POC1B: variants seen among roughly 807,000 people sequenced by gnomAD.
The protein encoded by POC1B is POC1 centriolar protein homolog B.
Under a neutral mutation model 60.6 loss-of-function variants are expected in POC1B, and 44 were observed. The observed-to-expected ratio is 0.73, with a 90% CI of 0.57 to 0.93. The LOEUF (loss-of-function observed/expected upper bound fraction) is 0.93. Among genes scored for constraint, POC1B ranks in the 40% least tolerant of loss-of-function variants. The pLI is 0.00. For missense variants in POC1B, 555 were observed against 572.3 expected (o/e 0.97, Z 0.31); for synonymous variants, 180 against 198.9 (o/e 0.90, Z 0.80).
intron 2 of POC1B, among the ~76,000 whole-genome samples, chr12:89,504,710 A>G (rs1424937548): frequency 1.3e-5 from 2 of 152,258 alleles, no homozygotes; most frequent in African/African-American, 2.4e-5. Flanking sequence ...GAGAGATACC[A>G]CTAACCAAGT....
In POC1B at chr12:89,478,729, T is replaced by C. The variant is rs78377646; in HGVS notation, c.453-6454A>G. On this transcript the variant is annotated intron_variant, in intron 4 of 11. Coordinates refer to ENST00000313546, the MANE Select transcript of POC1B (RefSeq NM_172240.3). The stretch of plus-strand genomic sequence containing the variant: ...GGTTAAAATGGTAAATTTTGTTATA[T>C]ATATTTTACCACAATTTCACAAAAT... Among the ~76,000 whole-genome samples, 219 of 152,356 alleles carry C rather than the reference T, an allele frequency of 1.4e-3. 5 individuals carry two copies. In the East Asian group the frequency reaches 0.034, roughly 24 times the overall value.
At chr12:89,509,639 G>A (rs1870078328) in intron 2 of POC1B, among the ~76,000 whole-genome samples, 1 of 152,132 alleles carries the variant, frequency 6.6e-6, no homozygotes, top group African/African-American at 2.4e-5. Context: ...AATTGATATA[G>A]GTATTAAAAA....
intron 2 of POC1B, chr12:89,523,110 T>A: frequency 6.2e-7 from 1 of 1,613,960 alleles, no homozygotes; most frequent in Non-Finnish European, 8.5e-7. Flanking sequence ...GATTGCCTCC[T>A]TGACCATGGC....
At chr12:89,464,393 AAC>A (rs1009386321) in intron 9 of POC1B, among the ~76,000 whole-genome samples, 1 of 152,124 alleles carries the variant, frequency 6.6e-6, no homozygotes, top group African/African-American at 2.4e-5. Flanking sequence ...GAGTCTTTAA[AAC>A]ACAATTTGGT....
Position 89,490,332 on chromosome 12 carries a change from TG to T in POC1B, c.452+1603del, listed in dbSNP as rs537417147. On this transcript the variant is annotated intron_variant, in intron 4 of 11. Transcript: ENST00000313546. The stretch of plus-strand genomic sequence containing the variant: ...TTCCCGCCCAGGCAGTTTTTGTTGT[TG>T]TTGTTGTTTGTTTGTTTGTTTTTTT... Among the ~76,000 whole-genome samples, 967 of 152,184 alleles carry T rather than the reference TG, an allele frequency of 6.4e-3. 5 individuals are homozygous for T. Among genetic ancestry groups the T allele is most frequent in the Middle Eastern group, 0.048 (14 of 294 alleles).
chr12:89,424,438 T>G (rs1880666013), intron 11 of POC1B, among the ~76,000 whole-genome samples: 1 of 152,218 alleles, frequency 6.6e-6, no homozygotes, highest in Admixed American at 6.5e-5. Flanking sequence ...GACAAGCAAT[T>G]GACATCTCTG....
At chr12:89,402,858 G>A in the POC1B span, among the ~76,000 whole-genome samples, 5 of 152,022 alleles carry the variant, frequency 3.3e-5, no homozygotes, top group Admixed American at 6.6e-5. Flanking sequence ...TCAAGCCTCA[G>A]CCTCCTCCCA....
chr12:89,437,603 C>G (rs1259051638), intron 10 of POC1B, among the ~76,000 whole-genome samples: 1 of 151,734 alleles, frequency 6.6e-6, no homozygotes, highest in East Asian at 1.9e-4. Context: ...TTGACCCCCC[C>G]ACCCCCACCA....
At chr12:89,441,887 C>T (rs541201965) in intron 10 of POC1B, among the ~76,000 whole-genome samples, 12 of 152,220 alleles carry the variant, frequency 7.9e-5, no homozygotes, top group South Asian at 4.2e-4. Context: ...AAAGATTAGA[C>T]GAATGGCTAA....
At chr12:89,430,018 A>C (rs1477350234) in intron 10 of POC1B, among the ~76,000 whole-genome samples, 5 of 152,216 alleles carry the variant, frequency 3.3e-5, no homozygotes, top group Non-Finnish European at 1.5e-5. Flanking sequence ...ACTCTGGGGA[A>C]GTACTTTATC....
At chr12:89,459,917 G>A (rs7953615) in intron 9 of POC1B, 199 bp from the exon 10 acceptor site, 361,325 of 478,490 alleles carry the variant, frequency 0.76, 137,138 homozygotes, top group Middle Eastern at 0.84. Context: ...GATCATTTTG[G>A]TAAGGTTGAA....
the POC1B span, among the ~76,000 whole-genome samples, chr12:89,408,486 GT>G: frequency 1.6e-3 from 223 of 136,266 alleles, 2 homozygotes; most frequent in South Asian, 3.1e-3. Flanking sequence ...CTGACTTCTG[GT>G]TTTTTTTTTT....
At chr12:89,462,400 T>C (rs980060371) in intron 9 of POC1B, among the ~76,000 whole-genome samples, 1 of 152,138 alleles carries the variant, frequency 6.6e-6, no homozygotes, top group African/African-American at 2.4e-5. Context: ...TAACTGGGAC[T>C]AATGAATGAG....
chr12:89,466,325 AATT>A, intron 9 of POC1B, among the ~76,000 whole-genome samples: 1 of 152,340 alleles, frequency 6.6e-6, no homozygotes, highest in South Asian at 2.1e-4. Context: ...ACATTGTCTT[AATT>A]ATTAGATTTA....
intron 4 of POC1B, among the ~76,000 whole-genome samples, chr12:89,490,700 G>A (rs1868920098): frequency 6.6e-6 from 1 of 152,120 alleles, no homozygotes; most frequent in African/African-American, 2.4e-5. Flanking sequence ...TTAGCAGAGT[G>A]TCCTATGAAT....
chr12:89,459,654 GAAAGGATATCCATAAC>G lies in POC1B; in HGVS notation c.1081_1096del (p.Val361LeufsTer27). On this transcript the variant is annotated frameshift_variant, in exon 10 of 12. Coordinates refer to ENST00000313546, the MANE Select transcript of POC1B (RefSeq NM_172240.3). LOFTEE classifies it high-confidence loss of function. ...CCGACTTACTGTGGTAGAATCAAAAGAAAGGATATCCATAACAGGGGGAGTAGAGATCTGCAAATCG... is the reference window on the plus strand; with the variant it reads ...CCGACTTACTGTGGTAGAATCAAAAGAGGGGGAGTAGAGATCTGCAAATCG... The G allele has an allele frequency of 7.1e-7, 1 of 1,416,086 alleles. No individual in the cohort carries two copies. Among genetic ancestry groups the G allele is most frequent in the Non-Finnish European group, 9.4e-7 (1 of 1,065,034 alleles). The allele number at this position is 1,416,086 out of a possible 1,614,324, so 87.7% of individuals were successfully genotyped here. A position where few individuals can be genotyped will look rare whatever the true frequency, so the allele number is the denominator to read the frequency against.
rs546169323 is a variant in POC1B, at chr12:89,524,626, G to A, written c.100+494C>T. 1.6e-5 allele frequency: 24 copies of A among 1,463,308 alleles called. No individual in the cohort carries two copies. The African/African-American group carries it at 1.7e-4, about 10-fold the overall frequency. The allele number at this position is 1,463,308 out of a possible 1,614,324, so 90.6% of individuals were successfully genotyped here. ...GGAAGGGCGGCGGAACCCACAGCTC[G>A]AGCTCAGGTACTTCCCAGCAGGTTC... On this transcript the variant is annotated intron_variant, in intron 2 of 11. Coordinates refer to ENST00000313546, the MANE Select transcript of POC1B (RefSeq NM_172240.3).
intron 10 of POC1B, among the ~76,000 whole-genome samples, chr12:89,449,540 TATA>T (rs1179998854): frequency 6.6e-6 from 1 of 152,204 alleles, no homozygotes; most frequent in African/African-American, 2.4e-5. Context: ...ATTCCCTAAA[TATA>T]ATACTACATT....
chr12:89,415,621 C>A (rs1346333016), downstream of POC1B, among the ~76,000 whole-genome samples: 1 of 148,400 alleles, frequency 6.7e-6, no homozygotes, highest in Non-Finnish European at 1.5e-5. Flanking sequence ...CCAGCCTGGG[C>A]GACACAGCGA....
Sources: gnomAD v4.1 joint callset for allele counts (sites outside exome capture counted in the v4.1 genomes callset) on GRCh38, gnomAD v4.1.1 for gene constraint, MANE v1.5 for transcripts, NCBI Gene and HGNC (gene_info 2026-07-23, HGNC 2026-07-21) for gene names.